Variants in CSMD3 observed in about 807,000 individuals in gnomAD.
CSMD3 encodes the protein CUB and sushi domain-containing protein 3.
A neutral mutation model predicts 435.2 loss-of-function variants in CSMD3; 177 were observed. The observed-to-expected ratio is 0.41, with a 90% CI of 0.36 to 0.46. The LOEUF is 0.46. Among genes scored for constraint, CSMD3 ranks in the 20% least tolerant of loss-of-function variants. CSMD3 has a pLI of 0.34. For missense variants in CSMD3, 4,265 were observed against 4,504.6 expected (o/e 0.95, Z 1.52); for synonymous variants, 1,656 against 1,520.5 (o/e 1.09, Z -2.07).
chr8:112,983,506 C>G (rs554754668), intron 6 of CSMD3, among the ~76,000 whole-genome samples: 33 of 150,370 alleles, frequency 2.2e-4, no homozygotes, highest in African/African-American at 8.1e-4. Flanking sequence ...AAGTATTGCC[C>G]AAAAAAATTA....
chr8:112,296,549 CA>C lies in CSMD3; in HGVS notation c.8441-544del, dbSNP rs968241561. Among the ~76,000 whole-genome samples the C allele has an allele frequency of 2.6e-3, 319 of 120,676 alleles. 1 individual carries two copies. The highest frequency in any genetic ancestry group is 4.6e-3 in the African/African-American group (160 of 34,624). 79.2% of individuals were successfully genotyped at this position (120,676 alleles called of 152,430 possible). On this transcript the variant is annotated intron_variant, in intron 53 of 70. Transcript: ENST00000297405. ...TGGGCAACAGAGCAAGACTCCACCT[CA>C]AAAAAAAAATAAATAAATAAATAAA...
At chr8:112,228,969 T>C in intron 69 of CSMD3, 78 bp from the exon 70 acceptor site, 1 of 807,602 alleles carries the variant, frequency 1.2e-6, no homozygotes, top group South Asian at 1.6e-5. Flanking sequence ...TCAATTAATT[T>C]CTTCTATTCT....
chr8:113,240,600 A>G lies in CSMD3; in HGVS notation c.514+37992T>C, dbSNP rs76487767. Among the ~76,000 whole-genome samples the G allele has an allele frequency of 3.0e-4, 46 of 152,200 alleles. No individual in the cohort carries two copies. In the East Asian group the frequency reaches 7.9e-3, roughly 26 times the overall value. On this transcript the variant is annotated intron_variant, in intron 3 of 70. Transcript: ENST00000297405. Reference sequence around the variant, plus strand: ...AATATAGTTTCACAAAAGAAAACCCATATGTTTATCTTGTTTCTGCTAATT... The same window carrying G: ...AATATAGTTTCACAAAAGAAAACCCGTATGTTTATCTTGTTTCTGCTAATT...
intron 15 of CSMD3, among the ~76,000 whole-genome samples, chr8:112,683,914 A>T (rs975466871): frequency 1.3e-5 from 2 of 151,680 alleles, no homozygotes; most frequent in African/African-American, 2.4e-5. Flanking sequence ...CATATTTCTA[A>T]TTATTATTTT....
At chr8:112,869,251 G>A (rs2081066285) in intron 10 of CSMD3, among the ~76,000 whole-genome samples, 1 of 152,142 alleles carries the variant, frequency 6.6e-6, no homozygotes, top group Admixed American at 6.6e-5. Flanking sequence ...GAAAAATTCT[G>A]TTGGTTGAAT....
intron 6 of CSMD3, among the ~76,000 whole-genome samples, chr8:112,985,932 T>C (rs1299427177): frequency 6.6e-6 from 1 of 152,124 alleles, no homozygotes; most frequent in Admixed American, 6.6e-5. Context: ...AGAAACAAAG[T>C]ACAAAGTAAA....
chr8:112,355,063 C>T (rs1826464871), intron 38 of CSMD3, among the ~76,000 whole-genome samples: 1 of 152,200 alleles, frequency 6.6e-6, no homozygotes, highest in African/African-American at 2.4e-5. Flanking sequence ...TCCACAACTA[C>T]TTGATTTTCA....
In CSMD3 at chr8:112,864,633, A is replaced by T. The variant is rs539897186; in HGVS notation, c.1634-5367T>A. Among the ~76,000 whole-genome samples, 637 of 152,218 alleles carry T rather than the reference A, an allele frequency of 4.2e-3. 2 individuals are homozygous for T. The highest frequency in any genetic ancestry group is 0.013 in the African/African-American group (553 of 41,538). Reference sequence around the variant, plus strand: ...ATACAAGCAGCAGGAATTATATATAATTTTAAAAAATATATTTAGCAAAAG... The same window carrying T: ...ATACAAGCAGCAGGAATTATATATATTTTTAAAAAATATATTTAGCAAAAG... On this transcript the variant is annotated intron_variant, in intron 10 of 70. Coordinates refer to ENST00000297405, the MANE Select transcript of CSMD3 (RefSeq NM_198123.2).
chr8:112,807,115 T>C (rs928486271), intron 12 of CSMD3, among the ~76,000 whole-genome samples: 1 of 152,192 alleles, frequency 6.6e-6, no homozygotes, highest in African/African-American at 2.4e-5. Flanking sequence ...ACCCCTGATG[T>C]CAATTCCCAT....
chr8:112,270,457 T>C (rs1817420908), intron 59 of CSMD3, among the ~76,000 whole-genome samples: 1 of 150,592 alleles, frequency 6.6e-6, no homozygotes, highest in African/African-American at 2.4e-5. Context: ...AGTGGGAAAT[T>C]CTCAAAGGTA....
chr8:112,594,717 G>A (rs562342696), intron 22 of CSMD3, among the ~76,000 whole-genome samples: 16 of 152,236 alleles, frequency 1.1e-4, no homozygotes, highest in East Asian at 3.9e-4. Flanking sequence ...CTGACCCCCC[G>A]AGCAGCCTAA....
intron 63 of CSMD3, 152 bp from the exon 64 acceptor site, chr8:112,247,283 G>T: frequency 6.3e-6 from 4 of 638,030 alleles, no homozygotes; most frequent in Non-Finnish European, 2.8e-6. Flanking sequence ...AAATAAAATG[G>T]GAAAAATTCA....
chr8:113,042,597 A>G (rs2087669539), intron 5 of CSMD3, among the ~76,000 whole-genome samples: 1 of 152,154 alleles, frequency 6.6e-6, no homozygotes. Flanking sequence ...TTATTTACAT[A>G]ATTCTTCTGG....
At chr8:112,356,712 C>T (rs533841977) in intron 38 of CSMD3, among the ~76,000 whole-genome samples, 7 of 151,744 alleles carry the variant, frequency 4.6e-5, no homozygotes, top group African/African-American at 1.5e-4. Context: ...GTTTTCATGA[C>T]AGTGAATAAG....
At chr8:112,566,179 A>G (rs1829051652) in intron 24 of CSMD3, among the ~76,000 whole-genome samples, 1 of 152,044 alleles carries the variant, frequency 6.6e-6, no homozygotes, top group Non-Finnish European at 1.5e-5. Context: ...CTAGTATAGC[A>G]TAGTGGTTAG....
intron 65 of CSMD3, among the ~76,000 whole-genome samples, chr8:112,242,919 G>T (rs1814305487): frequency 6.6e-6 from 1 of 152,056 alleles, no homozygotes; most frequent in South Asian, 2.1e-4. Context: ...ATGAAAACAA[G>T]AGATGGCTAA....
At chr8:113,222,301 G>A (rs1047390552) in intron 3 of CSMD3, among the ~76,000 whole-genome samples, 1 of 150,510 alleles carries the variant, frequency 6.6e-6, no homozygotes, top group Admixed American at 6.7e-5. Flanking sequence ...GTAAAAACAG[G>A]GAAGATCTCT....
At chr8:113,302,662 CAT>C (rs1457392998) in intron 2 of CSMD3, among the ~76,000 whole-genome samples, 2 of 151,870 alleles carry the variant, frequency 1.3e-5, no homozygotes, top group Admixed American at 6.6e-5. Flanking sequence ...GAGAAAACCA[CAT>C]GATTATCTCA....
chr8:113,300,123 C>T (rs2093753619), intron 2 of CSMD3, among the ~76,000 whole-genome samples: 1 of 146,752 alleles, frequency 6.8e-6, no homozygotes, highest in Non-Finnish European at 1.5e-5. Context: ...CACTGCACTC[C>T]AGCCTGGGTG....
Sources: allele counts gnomAD v4.1 joint callset (sites outside exome capture counted in the v4.1 genomes callset), GRCh38; gene constraint gnomAD v4.1.1; transcripts MANE v1.5; gene names NCBI Gene and HGNC (gene_info 2026-07-23, HGNC 2026-07-21).